CDC42BPA: variants seen among roughly 807,000 people sequenced by gnomAD.
The protein encoded by CDC42BPA is serine/threonine-protein kinase MRCK alpha.
A neutral mutation model predicts 223.5 loss-of-function variants in CDC42BPA; 80 were observed. The ratio of observed to expected loss-of-function variants is 0.36; its 90% CI spans 0.30 to 0.43. CDC42BPA has a LOEUF of 0.43. Among genes scored for constraint, CDC42BPA ranks in the 20% least tolerant of loss-of-function variants. CDC42BPA has a pLI of 1.00. For synonymous variants in CDC42BPA, 694 were observed against 718.6 expected (o/e 0.97, Z 0.55); for missense variants, 1,743 against 2,099.9 (o/e 0.83, Z 3.32).
intron 6 of CDC42BPA, among the ~76,000 whole-genome samples, chr1:227,151,083 C>A (rs1307020107): frequency 6.6e-6 from 1 of 151,966 alleles, no homozygotes; most frequent in Non-Finnish European, 1.5e-5. Context: ...TGTTGTGCAA[C>A]CAGTCCCCAC....
At chr1:227,263,132 C>G (rs980570920) in intron 1 of CDC42BPA, among the ~76,000 whole-genome samples, 1 of 152,138 alleles carries the variant, frequency 6.6e-6, no homozygotes, top group East Asian at 1.9e-4. Flanking sequence ...ACTTGGGAGG[C>G]TGAGGCAAGA....
At chr1:227,237,307 GAACA>G (rs1679227125) in intron 2 of CDC42BPA, among the ~76,000 whole-genome samples, 1 of 151,926 alleles carries the variant, frequency 6.6e-6, no homozygotes. Context: ...TAAAAAATCA[GAACA>G]AAAATAAAAA....
chr1:227,092,046 C>T, intron 15 of CDC42BPA, 55 bp from the exon 16 acceptor site: 2 of 983,554 alleles, frequency 2.0e-6, no homozygotes, highest in Admixed American at 2.5e-5. Context: ...CATTTGAAAA[C>T]TTGAAATTAT....
chr1:227,277,042 C>G (rs1307262630), intron 1 of CDC42BPA, among the ~76,000 whole-genome samples: 3 of 150,388 alleles, frequency 2.0e-5, no homozygotes, highest in Non-Finnish European at 4.4e-5. Flanking sequence ...CCAAATCCCC[C>G]TCTCCGAGAA....
Position 227,257,309 on chromosome 1 carries a change from G to C in CDC42BPA, c.179-3154C>G, listed in dbSNP as rs564518045. Among the ~76,000 whole-genome samples, 269 of 144,652 alleles carry C rather than the reference G, an allele frequency of 1.9e-3. 23 individuals carry two copies. Among genetic ancestry groups the C allele is most frequent in the African/African-American group, 6.8e-3 (235 of 34,354 alleles). The allele number at this position is 144,652 out of a possible 152,430, so 94.9% of individuals were successfully genotyped here. ...AAATATAATTTAATGCCACTGAATT[G>C]TACATGTAAAAGTGGTCAAAATGGC... On this transcript the variant is annotated intron_variant, in intron 1 of 36. Transcript: ENST00000366766.
intron 2 of CDC42BPA, among the ~76,000 whole-genome samples, chr1:227,236,833 C>T (rs535954303): frequency 4.6e-5 from 7 of 151,876 alleles, no homozygotes; most frequent in African/African-American, 1.4e-4. Flanking sequence ...TTTGGGAGAC[C>T]GAGGTGTGAG....
intron 16 of CDC42BPA, among the ~76,000 whole-genome samples, chr1:227,087,789 A>G (rs917021152): frequency 6.6e-6 from 1 of 152,192 alleles, no homozygotes; most frequent in Non-Finnish European, 1.5e-5. Flanking sequence ...TTTGCTTTTT[A>G]GTATTTTTTT....
chr1:227,066,386 CT>C (rs1677071630), intron 21 of CDC42BPA, among the ~76,000 whole-genome samples: 1 of 87,048 alleles, frequency 1.1e-5, no homozygotes, highest in South Asian at 3.8e-4. Flanking sequence ...GAAACTCTGT[CT>C]CAAAAAAAAA....
chr1:227,313,152 T>C (rs1013209476), intron 1 of CDC42BPA, among the ~76,000 whole-genome samples: 6 of 152,098 alleles, frequency 3.9e-5, no homozygotes, highest in African/African-American at 1.2e-4. Context: ...AATAAATCAA[T>C]ACATAATATA....
At chr1:227,147,945 A>G (rs1439785368) in intron 6 of CDC42BPA, among the ~76,000 whole-genome samples, 1 of 152,136 alleles carries the variant, frequency 6.6e-6, no homozygotes, top group Non-Finnish European at 1.5e-5. Context: ...GATGGGGGGA[A>G]AAAGCTCCTG....
chr1:227,149,083 A>G (rs918704509), intron 6 of CDC42BPA, among the ~76,000 whole-genome samples: 1 of 152,180 alleles, frequency 6.6e-6, no homozygotes, highest in Admixed American at 6.5e-5. Flanking sequence ...CCCTATATAC[A>G]TACCTTTTGC....
At chr1:227,131,052 C>T (rs1446917152) in intron 10 of CDC42BPA, among the ~76,000 whole-genome samples, 1 of 152,140 alleles carries the variant, frequency 6.6e-6, no homozygotes, top group East Asian at 1.9e-4. Flanking sequence ...CTTGTCTTCC[C>T]TATCTTACTC....
At chr1:227,286,637 A>G (rs1053084317) in intron 1 of CDC42BPA, among the ~76,000 whole-genome samples, 1 of 152,150 alleles carries the variant, frequency 6.6e-6, no homozygotes, top group Non-Finnish European at 1.5e-5. Context: ...TTATAGCAAC[A>G]TTCCACTCCC....
intron 1 of CDC42BPA, among the ~76,000 whole-genome samples, chr1:227,299,763 G>A (rs77015436): frequency 0.088 from 13,428 of 152,058 alleles, 810 homozygotes; most frequent in Middle Eastern, 0.16. Context: ...AAATAAAAAC[G>A]ACCTTGAGCA....
At chr1:227,224,167 C>T (rs1326085358) in intron 2 of CDC42BPA, among the ~76,000 whole-genome samples, 2 of 150,464 alleles carry the variant, frequency 1.3e-5, no homozygotes, top group African/African-American at 4.9e-5. Flanking sequence ...ACTCCAATTC[C>T]TGCAGAATAA....
intron 3 of CDC42BPA, among the ~76,000 whole-genome samples, chr1:227,206,414 T>C (rs1672731550): frequency 6.6e-6 from 1 of 152,174 alleles, no homozygotes; most frequent in South Asian, 2.1e-4. Flanking sequence ...CCTAGCACCT[T>C]TGAGTAACCC....
At chr1:227,315,474 G>A (rs927743423) in intron 1 of CDC42BPA, among the ~76,000 whole-genome samples, 3 of 151,568 alleles carry the variant, frequency 2.0e-5, no homozygotes, top group Non-Finnish European at 2.9e-5. Context: ...TCGCAGATAG[G>A]AAAGAATACT....
chr1:227,074,755 C>T (rs978747648), intron 17 of CDC42BPA, among the ~76,000 whole-genome samples: 1 of 152,076 alleles, frequency 6.6e-6, no homozygotes, highest in Non-Finnish European at 1.5e-5. Context: ...AACAACATAC[C>T]ATTCTTAAAA....
intron 1 of CDC42BPA, among the ~76,000 whole-genome samples, chr1:227,291,120 G>T (rs1689620273): frequency 6.6e-6 from 1 of 152,134 alleles, no homozygotes; most frequent in African/African-American, 2.4e-5. Flanking sequence ...TGGTCATTGA[G>T]AATGGAGGGA....
Sources: gnomAD v4.1 joint callset for allele counts (sites outside exome capture counted in the v4.1 genomes callset) on GRCh38, gnomAD v4.1.1 for gene constraint, MANE v1.5 for transcripts, NCBI Gene and HGNC (gene_info 2026-07-23, HGNC 2026-07-21) for gene names.